Variants in SLC71A2 observed in about 807,000 individuals in gnomAD.
SLC71A2 encodes the protein solute carrier family 71 member 2, also known as hippocampus abundant transcript-like 1.
chr9:94,377,617 A>G, the SLC71A2 span, among the ~76,000 whole-genome samples: 2 of 151,232 alleles, frequency 1.3e-5, no homozygotes, highest in Non-Finnish European at 2.9e-5. Flanking sequence ...TCCTGGGCTC[A>G]AATGATCCTC....
the SLC71A2 span, among the ~76,000 whole-genome samples, chr9:94,380,025 T>A: frequency 6.6e-6 from 1 of 152,232 alleles, no homozygotes; most frequent in Non-Finnish European, 1.5e-5. Context: ...CCCAGCACTT[T>A]TGGAGGCTGA....
chr9:94,456,295 A>C, the SLC71A2 span: 19 of 1,613,998 alleles, frequency 1.2e-5, no homozygotes, highest in Non-Finnish European at 1.5e-5. Flanking sequence ...GTTTCCGGCA[A>C]TCAGTGCCCT....
At chr9:94,456,312 T>C in the SLC71A2 span, 3 of 1,614,088 alleles carry the variant, frequency 1.9e-6, no homozygotes, top group South Asian at 3.3e-5. Context: ...CCCTCGTCTC[T>C]CGGAATGCAG....
the SLC71A2 span, among the ~76,000 whole-genome samples, chr9:94,416,708 G>A: frequency 8.5e-5 from 13 of 152,160 alleles, no homozygotes; most frequent in East Asian, 2.5e-3. Context: ...TACAAAATTA[G>A]CTGGGCATGG....
At chr9:94,396,613 A>G in the SLC71A2 span, among the ~76,000 whole-genome samples, 1 of 152,106 alleles carries the variant, frequency 6.6e-6, no homozygotes, top group Non-Finnish European at 1.5e-5. Flanking sequence ...TTTTTTGGCC[A>G]TATGTTACTC....
At chr9:94,427,770 T>C in the SLC71A2 span, among the ~76,000 whole-genome samples, 1 of 147,714 alleles carries the variant, frequency 6.8e-6, no homozygotes, top group Non-Finnish European at 1.5e-5. Flanking sequence ...TAGTCTCTTA[T>C]CTCTGATCTG....
At chr9:94,453,905 T>A in the SLC71A2 span, 1 of 1,213,626 alleles carries the variant, frequency 8.2e-7, no homozygotes, top group South Asian at 1.2e-5. Flanking sequence ...GAGCTTGTAT[T>A]TTAATTCTGT....
chr9:94,429,491 T>A, the SLC71A2 span, among the ~76,000 whole-genome samples: 1 of 152,072 alleles, frequency 6.6e-6, no homozygotes, highest in South Asian at 2.1e-4. Context: ...TTCATTTTTA[T>A]TATTGTGTAC....
At chr9:94,415,495 A>T in the SLC71A2 span, among the ~76,000 whole-genome samples, 3 of 151,924 alleles carry the variant, frequency 2.0e-5, no homozygotes, top group Non-Finnish European at 4.4e-5. Flanking sequence ...GGGTGCTGTT[A>T]TACAAACGAA....
chr9:94,431,733 A>G, the SLC71A2 span, among the ~76,000 whole-genome samples: 3 of 150,576 alleles, frequency 2.0e-5, no homozygotes, highest in African/African-American at 7.4e-5. Context: ...TTATTTCTCA[A>G]TATTCTTTAA....
the SLC71A2 span, chr9:94,446,855 C>T: frequency 1.2e-5 from 19 of 1,611,122 alleles, no homozygotes; most frequent in Non-Finnish European, 1.6e-5. Flanking sequence ...ATTCTACTGT[C>T]TTACTAATCT....
the SLC71A2 span, among the ~76,000 whole-genome samples, chr9:94,411,155 G>C: frequency 6.7e-6 from 1 of 149,706 alleles, no homozygotes; most frequent in East Asian, 2.0e-4. Context: ...TAATGAGACT[G>C]TAAGTTCTTT....
the SLC71A2 span, among the ~76,000 whole-genome samples, chr9:94,406,538 C>T: frequency 5.3e-5 from 8 of 152,090 alleles, no homozygotes; most frequent in Non-Finnish European, 1.2e-4. Context: ...TGTGCCCAGC[C>T]GTTTTTTGAT....
At chr9:94,409,962 C>A in the SLC71A2 span, among the ~76,000 whole-genome samples, 2 of 140,474 alleles carry the variant, frequency 1.4e-5, no homozygotes, top group Admixed American at 1.5e-4. Context: ...CTGAAGTCTT[C>A]TATTTCTTGC....
chr9:94,431,272 C>T, the SLC71A2 span, among the ~76,000 whole-genome samples: 1 of 150,576 alleles, frequency 6.6e-6, no homozygotes, highest in Non-Finnish European at 1.5e-5. Flanking sequence ...GAGATTGTGC[C>T]ACTGCACTCC....
chr9:94,390,602 C>T, the SLC71A2 span, among the ~76,000 whole-genome samples: 39 of 152,082 alleles, frequency 2.6e-4, 1 homozygote, highest in Non-Finnish European at 4.0e-4. Context: ...GTATGATATG[C>T]GTGCCTGAGG....
At chr9:94,387,913 A>G in the SLC71A2 span, among the ~76,000 whole-genome samples, 2 of 152,240 alleles carry the variant, frequency 1.3e-5, no homozygotes, top group African/African-American at 4.8e-5. Flanking sequence ...TTCTGTGGAT[A>G]ATGCGCTTCT....
the SLC71A2 span, among the ~76,000 whole-genome samples, chr9:94,403,098 G>A: frequency 6.6e-6 from 1 of 152,076 alleles, no homozygotes; most frequent in Non-Finnish European, 1.5e-5. Flanking sequence ...TCATATAAGT[G>A]AAATTATGCC....
the SLC71A2 span, among the ~76,000 whole-genome samples, chr9:94,381,617 T>C: frequency 6.6e-6 from 1 of 152,180 alleles, no homozygotes; most frequent in Non-Finnish European, 1.5e-5. Context: ...CAGAATACAC[T>C]TTTTTAAAAG....
Sources: gnomAD v4.1 joint callset for allele counts (sites outside exome capture counted in the v4.1 genomes callset) on GRCh38, gnomAD v4.1.1 for gene constraint, MANE v1.5 for transcripts, NCBI Gene and HGNC (gene_info 2026-07-23, HGNC 2026-07-21) for gene names.